Variants in SHC4 observed in about 807,000 individuals in gnomAD.
SHC4 encodes the protein SHC-transforming protein 4.
A neutral mutation model predicts 69.4 loss-of-function variants in SHC4; 41 were observed. The ratio of observed to expected loss-of-function variants is 0.59; its 90% confidence interval spans 0.46 to 0.77. SHC4 has a LOEUF of 0.77. SHC4 is among the 30% of genes least tolerant of loss of function. The pLI, the probability that SHC4 is intolerant of heterozygous loss-of-function variation, is 0.00. For missense variants in SHC4, 777 were observed against 783.8 expected, an observed-to-expected ratio of 0.99 and a Z score of 0.10; for synonymous variants, 318 against 299.3, an observed-to-expected ratio of 1.06 and a Z score of -0.64.
rs1595742232 is a variant in SHC4 at position 48,878,067 on chromosome 15, T to C, written c.841-5925A>G. ...GGAGGCGGTACCTGAGGACCACGCC[T>C]GCGCGCGGGGTTACGCAAGCGCGCA... is the stretch of plus-strand genomic sequence containing the variant. On this transcript the variant is annotated intron_variant, in intron 4 of 11. Transcript: ENST00000332408. 3.5e-6 allele frequency: 5 copies of C among 1,417,020 alleles called. No individual in the cohort carries two copies. The African/African-American group carries it at 7.1e-5, about 20-fold the overall frequency. The allele number at this position is 1,417,020 out of a possible 1,614,324, so 87.8% of individuals were successfully genotyped here.
intron 7 of SHC4, 93 bp downstream of exon 7, chr15:48,857,599 A>T (rs1285488796): frequency 1.7e-6 from 2 of 1,163,190 alleles, no homozygotes; most frequent in African/African-American, 3.2e-5. Flanking sequence ...AAAATGCCAC[A>T]TTAATGTTAT....
chr15:48,911,339 T>G (rs1463091901), intron 2 of SHC4, among the ~76,000 whole-genome samples: 1 of 152,196 alleles, frequency 6.6e-6, no homozygotes, highest in Admixed American at 6.5e-5. Flanking sequence ...TCTCTTTTAC[T>G]GATGTTGCTT....
chr15:48,916,623 C>A (rs1026125006), intron 2 of SHC4, among the ~76,000 whole-genome samples: 1 of 151,728 alleles, frequency 6.6e-6, no homozygotes, highest in African/African-American at 2.4e-5. Flanking sequence ...ACAGATACAC[C>A]ACGAGGCACA....
At chr15:48,849,131 T>C (rs1899155506) in intron 9 of SHC4, among the ~76,000 whole-genome samples, 1 of 152,132 alleles carries the variant, frequency 6.6e-6, no homozygotes, top group South Asian at 2.1e-4. Context: ...CACTCATCTT[T>C]CTCTCTTTAC....
intron 11 of SHC4, 133 bp from the exon 12 acceptor site, chr15:48,826,259 T>G: frequency 1.1e-6 from 1 of 917,252 alleles, no homozygotes; most frequent in Non-Finnish European, 1.6e-6. Flanking sequence ...GGTACTTTTT[T>G]TTTTTTTTTT....
chr15:48,877,604 A>G (rs915033728), intron 4 of SHC4: 10 of 979,258 alleles, frequency 1.0e-5, no homozygotes, highest in African/African-American at 1.7e-5. Context: ...TCCCAGGCGA[A>G]AAGAAATGGG....
At chr15:48,941,202 A>G (rs1210629925) in intron 1 of SHC4, among the ~76,000 whole-genome samples, 1 of 152,212 alleles carries the variant, frequency 6.6e-6, no homozygotes. Flanking sequence ...AGTATAAGAC[A>G]GCAGCAGTCA....
At chr15:48,897,785 A>ACACACACACACACAC (rs58670176) in intron 2 of SHC4, among the ~76,000 whole-genome samples, 1 of 150,868 alleles carries the variant, frequency 6.6e-6, no homozygotes, top group African/African-American at 2.4e-5. Context: ...ACACACACAC[A>ACACACACACACACAC]TCTATAGTCA....
At chr15:48,956,417 T>C (rs182431227) in intron 1 of SHC4, among the ~76,000 whole-genome samples, 60 of 152,292 alleles carry the variant, frequency 3.9e-4, no homozygotes, top group African/African-American at 1.4e-3. Context: ...AAGGCCTTTT[T>C]CTCTTGGCTC....
chr15:48,936,617 C>T (rs1401920891), intron 1 of SHC4, among the ~76,000 whole-genome samples: 1 of 152,164 alleles, frequency 6.6e-6, no homozygotes, highest in East Asian at 1.9e-4. Context: ...ACCTCCCCAG[C>T]CATGGCTCCT....
intron 5 of SHC4, 50 bp downstream of exon 5, chr15:48,872,039 C>G (rs1352837334): frequency 3.4e-6 from 4 of 1,165,408 alleles, no homozygotes; most frequent in Non-Finnish European, 5.1e-6. Flanking sequence ...CCCCAAATGT[C>G]AAGAAGTTAT....
intron 4 of SHC4, chr15:48,879,603 A>C (rs1374107338): frequency 6.0e-6 from 1 of 167,100 alleles, no homozygotes; most frequent in Non-Finnish European, 1.5e-5. Context: ...TCATATTGTA[A>C]GAACTGTTAA....
chr15:48,950,197 A>G (rs1901344781), intron 1 of SHC4, among the ~76,000 whole-genome samples: 3 of 145,468 alleles, frequency 2.1e-5, no homozygotes, highest in Non-Finnish European at 3.0e-5. Flanking sequence ...ATTTTATATT[A>G]TATAATTGTA....
intron 10 of SHC4, among the ~76,000 whole-genome samples, chr15:48,837,874 C>T (rs574584410): frequency 1.2e-4 from 18 of 152,114 alleles, no homozygotes; most frequent in African/African-American, 4.1e-4. Flanking sequence ...AAATCTAACA[C>T]GCAAAATCTG....
chr15:48,904,337 A>G (rs1178694117), intron 2 of SHC4, among the ~76,000 whole-genome samples: 1 of 152,212 alleles, frequency 6.6e-6, no homozygotes, highest in Non-Finnish European at 1.5e-5. Flanking sequence ...AGTAATATCT[A>G]TTTTATAAAT....
intron 11 of SHC4, among the ~76,000 whole-genome samples, chr15:48,831,622 A>C (rs568730765): frequency 3.2e-4 from 49 of 152,376 alleles, no homozygotes; most frequent in African/African-American, 1.1e-3. Context: ...GTTTGTGTAC[A>C]TATATTCAAA....
chr15:48,861,830 T>C (rs1485927601), intron 6 of SHC4, among the ~76,000 whole-genome samples: 1 of 152,256 alleles, frequency 6.6e-6, no homozygotes, highest in Non-Finnish European at 1.5e-5. Context: ...CTTTTTTATT[T>C]GGTTATTGAA....
chr15:48,920,418 C>T (rs541981798), intron 2 of SHC4, among the ~76,000 whole-genome samples: 18 of 152,110 alleles, frequency 1.2e-4, no homozygotes, highest in South Asian at 2.1e-4. Context: ...CCGAATAATG[C>T]ACTCATTTTA....
intron 2 of SHC4, among the ~76,000 whole-genome samples, chr15:48,903,671 C>A (rs1164767215): frequency 1.3e-5 from 2 of 152,172 alleles, no homozygotes; most frequent in Admixed American, 1.3e-4. Flanking sequence ...GGACCAGCAG[C>A]ATTAGCATCG....
Sources: allele counts gnomAD v4.1 joint callset (sites outside exome capture counted in the v4.1 genomes callset), GRCh38; gene constraint gnomAD v4.1.1; transcripts MANE v1.5; gene names NCBI Gene and HGNC (gene_info 2026-07-23, HGNC 2026-07-21).